Variants in AHCTF1 observed in about 807,000 individuals in gnomAD.
AHCTF1 encodes AT-hook containing transcription factor 1, also known as protein ELYS.
Under a neutral mutation model 248.4 loss-of-function variants are expected in AHCTF1, and 24 were observed. The observed-to-expected ratio is 0.10, with a 90% CI of 0.07 to 0.14. The LOEUF is 0.14. AHCTF1 is among the 10% of genes least tolerant of loss of function. The pLI, the probability that AHCTF1 is intolerant of heterozygous loss-of-function variation, is 1.00. For synonymous variants in AHCTF1, 786 were observed against 929.8 expected, an observed-to-expected ratio of 0.85 and a Z score of 2.81; for missense variants, 2,206 against 2,636.2, an observed-to-expected ratio of 0.84 and a Z score of 3.57.
intron 1 of AHCTF1, among the ~76,000 whole-genome samples, chr1:246,924,924 G>A (rs186087215): frequency 6.6e-6 from 1 of 152,120 alleles, no homozygotes; most frequent in East Asian, 1.9e-4. Context: ...CCCTCATGAG[G>A]GTCCTATACT....
intron 24 of AHCTF1, among the ~76,000 whole-genome samples, chr1:246,873,499 T>C (rs1006752894): frequency 3.3e-5 from 5 of 152,098 alleles, no homozygotes; most frequent in African/African-American, 1.2e-4. Context: ...CTAGAGACAA[T>C]ACACTAGTCA....
chr1:246,931,488 C>CT, intron 1 of AHCTF1, 90 bp downstream of exon 1: 1 of 531,940 alleles, frequency 1.9e-6, no homozygotes, highest in Non-Finnish European at 2.4e-6. Flanking sequence ...CCCGCCGCCG[C>CT]CGCCGCCGCC....
At chr1:246,880,130 A>C (rs1663287449) in intron 21 of AHCTF1, among the ~76,000 whole-genome samples, 1 of 152,110 alleles carries the variant, frequency 6.6e-6, no homozygotes, top group Admixed American at 6.6e-5. Flanking sequence ...TACTAAGAGG[A>C]AACAGGCAGT....
intron 24 of AHCTF1, among the ~76,000 whole-genome samples, chr1:246,869,102 C>A (rs948581150): frequency 6.6e-6 from 1 of 150,960 alleles, no homozygotes; most frequent in African/African-American, 2.5e-5. Context: ...CCTTGGCCTC[C>A]CAAAGTGCTG....
In AHCTF1 at chr1:246,855,761, G is replaced by A; in HGVS notation, c.4323C>T (p.Tyr1441=). 5.6e-6 allele frequency: 9 copies of A among 1,613,334 alleles called. No homozygotes were observed. Among genetic ancestry groups the A allele is most frequent in the Non-Finnish European group, 5.1e-6 (6 of 1,179,620 alleles). The part of the protein sequence containing the change: ...LDEGLTSVET[Y]TPAIRANDNK... ...TGTCATTTGCTCTAATTGCAGGGGT[G>A]TAGGTTTCAACAGATGTTAATCCTT... The change falls in exon 31 of 36, where the codon TAC becomes TAT. Residue 1441 remains tyrosine (Y), a synonymous_variant. Coordinates refer to ENST00000648844, the MANE Select transcript of AHCTF1 (RefSeq NM_001323342.2).
intron 1 of AHCTF1, among the ~76,000 whole-genome samples, chr1:246,925,296 T>C (rs964350064): frequency 2.0e-5 from 3 of 152,162 alleles, no homozygotes; most frequent in Admixed American, 6.5e-5. Flanking sequence ...TTTGGAAAGA[T>C]TTTCACAAAA....
chr1:246,867,193 G>T, intron 26 of AHCTF1, 51 bp downstream of exon 26: 2 of 931,488 alleles, frequency 2.1e-6, no homozygotes, highest in Non-Finnish European at 3.2e-6. Context: ...AATTACAATT[G>T]TAACTATCAT....
intron 8 of AHCTF1, among the ~76,000 whole-genome samples, chr1:246,900,736 G>T (rs946085153): frequency 6.6e-6 from 1 of 152,194 alleles, no homozygotes; most frequent in African/African-American, 2.4e-5. Flanking sequence ...CTTGAGCAAC[G>T]TTGAGGTATT....
At chr1:246,908,323 CAAA>C (rs34997839) in intron 4 of AHCTF1, among the ~76,000 whole-genome samples, 5 of 101,558 alleles carry the variant, frequency 4.9e-5, no homozygotes, top group Non-Finnish European at 8.3e-5. Context: ...CACAGGGATA[CAAA>C]AAAAAAAAAA....
At chr1:246,855,370 G>C (rs1260853716) in intron 31 of AHCTF1, among the ~76,000 whole-genome samples, 1 of 152,154 alleles carries the variant, frequency 6.6e-6, no homozygotes, top group African/African-American at 2.4e-5. Flanking sequence ...AGAATATTCA[G>C]TCATTTGTGA....
chr1:246,850,297 G>A lies in AHCTF1; in HGVS notation c.5709C>T (p.Ile1903=), dbSNP rs1221208269. The change falls in exon 33 of 36, where the codon ATC becomes ATT. Residue 1903 remains isoleucine (I), a synonymous_variant. Transcript: ENST00000648844. ...CTAAATTAGTACTTCTCAATTTTCTGATCATTCTGCTAGGACTTGTTACCG... is the reference window on the plus strand; with the variant it reads ...CTAAATTAGTACTTCTCAATTTTCTAATCATTCTGCTAGGACTTGTTACCG... ...VSTVTSPSRM[I]RKLRSTNLDA... is the part of the protein sequence containing the mutation. 2 of 1,613,820 alleles carry A rather than the reference G, an allele frequency of 1.2e-6. No homozygotes were observed. Among genetic ancestry groups the A allele is most frequent in the Non-Finnish European group, 1.7e-6 (2 of 1,179,828 alleles).
At chr1:246,891,682 A>G in intron 15 of AHCTF1, 97 bp downstream of exon 15, 2 of 1,306,886 alleles carry the variant, frequency 1.5e-6, no homozygotes, top group South Asian at 1.4e-5. Context: ...TCCTCTTTAC[A>G]TAATGATCCA....
rs777718699 is a variant in AHCTF1, at chr1:246,849,712, C to A, written c.6294G>T (p.Arg2098Ser). The A allele has an allele frequency of 6.2e-7, 1 of 1,613,874 alleles. No homozygotes were observed. The highest frequency in any genetic ancestry group is 8.5e-7 in the Non-Finnish European group (1 of 1,179,876). ...ACAAGATGGCCTTGCTAGACCGAGT[C>A]CTGCTGCTGCGGGATGATTTAGTGA... is the stretch of plus-strand genomic sequence containing the variant. The part of the protein sequence containing the change: ...ASFTKSSRSS[R>S]TRSSKAILLP... Residue 2098 changes from arginine to serine, a missense_variant, in exon 33 of 36, where the codon AGG (arginine) becomes AGT (serine). This residue lies in a region of AHCTF1 where 469 missense variants were observed against 470.0 expected (regional missense o/e 1.00). Coordinates refer to ENST00000648844, the MANE Select transcript of AHCTF1 (RefSeq NM_001323342.2).
intron 3 of AHCTF1, among the ~76,000 whole-genome samples, chr1:246,913,872 TTCTCC>T (rs1372987778): frequency 6.6e-6 from 1 of 152,214 alleles, no homozygotes; most frequent in Non-Finnish European, 1.5e-5. Context: ...CTATGGCCTC[TTCTCC>T]TAAGAGTAAA....
At chr1:246,857,036 G>A (rs758208803) in intron 30 of AHCTF1, among the ~76,000 whole-genome samples, 29 of 152,212 alleles carry the variant, frequency 1.9e-4, no homozygotes, top group African/African-American at 6.5e-4. Flanking sequence ...CTCGCAATGA[G>A]ACAAGGACCT....
At chr1:246,903,658 C>G (rs867896387) in intron 7 of AHCTF1, among the ~76,000 whole-genome samples, 1,587 of 117,572 alleles carry the variant, frequency 0.013, 37 homozygotes, top group Admixed American at 0.024. Context: ...TGAGACCCCC[C>G]CCCCTCCGTC....
At chr1:246,867,163 A>C (rs1266371943) in intron 26 of AHCTF1, 81 bp downstream of exon 26, 1 of 714,708 alleles carries the variant, frequency 1.4e-6, no homozygotes, top group African/African-American at 1.8e-5. Context: ...AAAGTCTATA[A>C]AATGTTAAAG....
At chr1:246,910,598 T>C (rs1459318487) in intron 4 of AHCTF1, among the ~76,000 whole-genome samples, 1 of 152,210 alleles carries the variant, frequency 6.6e-6, no homozygotes, top group African/African-American at 2.4e-5. Context: ...TGTATTCTTC[T>C]AACTATCTGA....
chr1:246,926,946 G>A (rs1226569302), intron 1 of AHCTF1, among the ~76,000 whole-genome samples: 3 of 152,104 alleles, frequency 2.0e-5, no homozygotes, highest in African/African-American at 4.8e-5. Flanking sequence ...AGGCTAAGGC[G>A]GGCGGATCAC....
Sources: allele counts gnomAD v4.1 joint callset (sites outside exome capture counted in the v4.1 genomes callset), GRCh38; gene constraint gnomAD v4.1.1; regional missense constraint gnomAD v4.1.1; transcripts MANE v1.5; gene names NCBI Gene and HGNC (gene_info 2026-07-23, HGNC 2026-07-21).